The following MAGI2 variants were observed in gnomAD, a reference collection of about 807,000 sequenced individuals.
MAGI2 encodes the protein membrane-associated guanylate kinase, WW and PDZ domain-containing protein 2.
MAGI2 carries 35 observed loss-of-function variants against 133.3 expected under a neutral mutation model. That is an observed-to-expected ratio of 0.26 (90% CI 0.20 to 0.35). The LOEUF (loss-of-function observed/expected upper bound fraction) is 0.35. Ranked by LOEUF, MAGI2 falls within the 10% of genes least tolerant of loss-of-function variation. The pLI, the probability that MAGI2 is intolerant of heterozygous loss-of-function variation, is 1.00. For synonymous variants in MAGI2, 729 were observed against 710.6 expected (o/e 1.03, Z -0.41); for missense variants, 1,636 against 1,863.4 (o/e 0.88, Z 2.25).
intron 1 of MAGI2, among the ~76,000 whole-genome samples, chr7:79,316,937 A>G (rs546835732): frequency 1.1e-4 from 17 of 151,366 alleles, no homozygotes; most frequent in Non-Finnish European, 1.9e-4. Flanking sequence ...TGGATCCAGG[A>G]GCCCATGTTC....
intron 1 of MAGI2, among the ~76,000 whole-genome samples, chr7:79,132,960 T>C (rs537534554): frequency 2.6e-5 from 4 of 152,310 alleles, no homozygotes; most frequent in African/African-American, 7.2e-5. Context: ...TTTTGCGAAA[T>C]GTTCATTCAT....
intron 4 of MAGI2, among the ~76,000 whole-genome samples, chr7:78,513,509 A>G (rs1795780430): frequency 6.8e-6 from 1 of 146,542 alleles, no homozygotes; most frequent in South Asian, 2.5e-4. Context: ...TAAGAAACCC[A>G]GGGACACAGG....
At chr7:78,697,487 T>G (rs1585118593) in intron 2 of MAGI2, among the ~76,000 whole-genome samples, 1 of 152,228 alleles carries the variant, frequency 6.6e-6, no homozygotes, top group East Asian at 1.9e-4. Flanking sequence ...CTGAAAGCTT[T>G]GGCTTTCTCA....
At chr7:79,207,964 TG>T (rs894727127) in intron 1 of MAGI2, among the ~76,000 whole-genome samples, 5 of 152,022 alleles carry the variant, frequency 3.3e-5, no homozygotes, top group African/African-American at 1.2e-4. Context: ...TAAATGATGC[TG>T]GGAAAACTGG....
At chr7:78,324,797 G>C (rs1788413238) in intron 9 of MAGI2, among the ~76,000 whole-genome samples, 1 of 152,004 alleles carries the variant, frequency 6.6e-6, no homozygotes, top group Non-Finnish European at 1.5e-5. Context: ...CCTGTCTCTA[G>C]TTAAAACAAC....
At chr7:78,539,602 T>C (rs1048549659) in intron 3 of MAGI2, among the ~76,000 whole-genome samples, 3 of 152,180 alleles carry the variant, frequency 2.0e-5, no homozygotes, top group Admixed American at 2.0e-4. Flanking sequence ...ATTATTATCA[T>C]TCAGTTCAAA....
intron 20 of MAGI2, among the ~76,000 whole-genome samples, chr7:78,090,795 A>G (rs1430915104): frequency 6.6e-6 from 1 of 152,234 alleles, no homozygotes; most frequent in African/African-American, 2.4e-5. Context: ...GCTGAGGAAG[A>G]CACAGCCACA....
chr7:79,250,358 A>AG (rs1833152111), intron 1 of MAGI2, among the ~76,000 whole-genome samples: 1 of 151,438 alleles, frequency 6.6e-6, no homozygotes, highest in Non-Finnish European at 1.5e-5. Flanking sequence ...CAAAAAAAAA[A>AG]AAAAAGAAAA....
intron 2 of MAGI2, among the ~76,000 whole-genome samples, chr7:78,944,658 G>T (rs758034331): frequency 1.3e-5 from 2 of 151,794 alleles, no homozygotes; most frequent in African/African-American, 4.8e-5. Context: ...TGTACCACCC[G>T]CCCACTAGCA....
At chr7:79,010,053 CAT>C (rs761195060) in intron 1 of MAGI2, among the ~76,000 whole-genome samples, 14 of 152,004 alleles carry the variant, frequency 9.2e-5, no homozygotes, top group South Asian at 2.1e-4. Flanking sequence ...TATACACACA[CAT>C]GTTATATGCA....
At chr7:79,410,079 G>C (rs879423609) in intron 1 of MAGI2, 1 of 152,060 alleles carries the variant, frequency 6.6e-6, no homozygotes, top group Non-Finnish European at 1.5e-5. Flanking sequence ...TAATATTAAA[G>C]TGTTAATTTT....
chr7:78,523,356 G>A (rs12705527), intron 3 of MAGI2, among the ~76,000 whole-genome samples: 226 of 152,140 alleles, frequency 1.5e-3, no homozygotes, highest in Non-Finnish European at 2.9e-3. Context: ...CCCGACGCCC[G>A]TAGTCCCATC....
At chr7:79,122,489 A>G (rs1819991608) in intron 1 of MAGI2, among the ~76,000 whole-genome samples, 1 of 152,186 alleles carries the variant, frequency 6.6e-6, no homozygotes, top group Non-Finnish European at 1.5e-5. Flanking sequence ...ATGAGTCATT[A>G]CCCATTACGC....
At chr7:78,784,843 G>A (rs371129056) in intron 2 of MAGI2, among the ~76,000 whole-genome samples, 1 of 152,170 alleles carries the variant, frequency 6.6e-6, no homozygotes, top group Admixed American at 6.5e-5. Context: ...TTGTTAACCT[G>A]TCTTTTGTTA....
At chr7:78,987,495 A>G (rs971988603) in intron 2 of MAGI2, among the ~76,000 whole-genome samples, 11 of 152,032 alleles carry the variant, frequency 7.2e-5, no homozygotes, top group Admixed American at 2.0e-4. Flanking sequence ...CAGGATAAAA[A>G]ACACTGTGGT....
intron 2 of MAGI2, among the ~76,000 whole-genome samples, chr7:78,819,434 T>C (rs900675773): frequency 2.0e-5 from 3 of 152,138 alleles, no homozygotes; most frequent in African/African-American, 7.2e-5. Flanking sequence ...CTTAACCTTT[T>C]TCTAGGTTTA....
chr7:78,263,408 T>A lies in MAGI2; in HGVS notation c.1409-6827A>T, dbSNP rs535411680. Reference sequence around the variant, plus strand: ...TCTACTACTACTACCCAAGATGAGATTCTTACCATCTATTGTATGAACTTC... The same window carrying A: ...TCTACTACTACTACCCAAGATGAGAATCTTACCATCTATTGTATGAACTTC... On this transcript the variant is annotated intron_variant, in intron 9 of 21. Transcript: ENST00000354212. Among the ~76,000 whole-genome samples the A allele has an allele frequency of 3.9e-5, 6 of 152,308 alleles. No homozygotes were observed. In the East Asian group the frequency reaches 1.2e-3, roughly 29 times the overall value.
At chr7:78,479,629 C>G (rs534015190) in intron 6 of MAGI2, among the ~76,000 whole-genome samples, 1 of 152,004 alleles carries the variant, frequency 6.6e-6, no homozygotes, top group Non-Finnish European at 1.5e-5. Context: ...ACATACCAAA[C>G]CAAAACAGGG....
chr7:79,043,905 A>G (rs1470927854), intron 1 of MAGI2, among the ~76,000 whole-genome samples: 2 of 152,114 alleles, frequency 1.3e-5, no homozygotes, highest in Non-Finnish European at 2.9e-5. Flanking sequence ...TGTGAATACC[A>G]TTAGAGTTGT....
Sources: gnomAD v4.1 joint callset for allele counts (sites outside exome capture counted in the v4.1 genomes callset) on GRCh38, gnomAD v4.1.1 for gene constraint, MANE v1.5 for transcripts, NCBI Gene and HGNC (gene_info 2026-07-23, HGNC 2026-07-21) for gene names.